The following C1orf232 variants were observed in gnomAD, a reference collection of about 807,000 sequenced individuals.
The protein encoded by C1orf232 is uncharacterized protein C1orf232.
Under a neutral mutation model 12.1 loss-of-function variants are expected in C1orf232, and 10 were observed. The observed-to-expected ratio is 0.82, with a 90% CI of 0.51 to 1.40. The LOEUF (loss-of-function observed/expected upper bound fraction) is 1.40, where lower values mean the gene tolerates loss of function less well. Ranked by LOEUF, C1orf232 falls within the 40% of genes most tolerant of loss-of-function variation. The pLI is 0.00. For missense variants in C1orf232, 88 were observed against 98.4 expected (o/e 0.89, Z 0.45); for synonymous variants, 36 against 39.8 (o/e 0.90, Z 0.36).
rs952386379 is a variant in C1orf232 at position 26,168,542 on chromosome 1, G to T, written c.-43C>A. 2 of 1,213,428 alleles carry T rather than the reference G, an allele frequency of 1.6e-6. No individual in the cohort carries two copies. The highest frequency in any genetic ancestry group is 6.3e-5 in the East Asian group (2 of 31,610). 75.2% of individuals were successfully genotyped at this position (1,213,428 alleles called of 1,614,324 possible). ...GCCTGGCACGCAAGCACAGGAAGGT[G>T]GTGGCTCAGTGGATACCAGTGAGTC... On this transcript the variant is annotated 5_prime_UTR_variant, in exon 1 of 4. Coordinates refer to ENST00000634842, the MANE Select transcript of C1orf232 (RefSeq NM_001364669.2).
rs1384267278 is a variant in C1orf232 at position 26,164,600 on chromosome 1, G to C, written c.267-145C>G. The C allele has an allele frequency of 5.7e-6, 2 of 350,570 alleles. No individual in the cohort carries two copies. Among genetic ancestry groups the C allele is most frequent in the Admixed American group, 4.8e-5 (1 of 21,004 alleles). 21.7% of individuals were successfully genotyped at this position (350,570 alleles called of 1,614,324 possible). A position where few individuals can be genotyped will look rare whatever the true frequency, so the allele number is the denominator to read the frequency against. On this transcript the variant is annotated intron_variant, in intron 3 of 3. Transcript: ENST00000634842. The surrounding 1 kb of genome is among the most constrained non-coding windows in gnomAD (Gnocchi z 4.2). The stretch of plus-strand genomic sequence containing the variant: ...GAGGAGCGGGGTCAGGTGACCAGTG[G>C]GGGACCGGGACGAGGAGGAGGGTCA...
At chr1:26,168,377 C>G in intron 1 of C1orf232, 39 bp downstream of exon 1, 1 of 1,219,994 alleles carries the variant, frequency 8.2e-7, no homozygotes, top group Admixed American at 4.2e-5. Context: ...TGCTGCCCCT[C>G]TGCACATGCT....
chr1:26,165,571 G>A (rs1209831190), intron 3 of C1orf232: 3 of 497,192 alleles, frequency 6.0e-6, no homozygotes, highest in East Asian at 7.1e-5. Flanking sequence ...CCTCCCAAGC[G>A]GATGGGTCGT....
chr1:26,166,249 T>C (rs1317879207), intron 1 of C1orf232, 131 bp from the exon 2 acceptor site: 5 of 499,848 alleles, frequency 1.0e-5, no homozygotes, highest in Non-Finnish European at 1.6e-5. Flanking sequence ...ACCTATACAC[T>C]CCACAGATCC....
At chr1:26,166,509 G>A (rs1030261572) in intron 1 of C1orf232, among the ~76,000 whole-genome samples, 3 of 149,640 alleles carry the variant, frequency 2.0e-5, no homozygotes, top group Admixed American at 6.6e-5. Flanking sequence ...TAGAGATGGG[G>A]TTTTGCCATG....
chr1:26,165,102 A>C (rs2088412164), intron 3 of C1orf232, among the ~76,000 whole-genome samples: 1 of 95,938 alleles, frequency 1.0e-5, no homozygotes. Flanking sequence ...TCCTTGGGGA[A>C]CTGGGGTTGG....
At chr1:26,168,273 C>T in intron 1 of C1orf232, 143 bp downstream of exon 1, 6 of 501,274 alleles carry the variant, frequency 1.2e-5, no homozygotes, top group Non-Finnish European at 1.6e-5. Context: ...GATGCTGCAC[C>T]ATGGTTTTTA....
At chr1:26,168,352 C>G (rs997524473) in intron 1 of C1orf232, 64 bp downstream of exon 1, 53 of 1,156,748 alleles carry the variant, frequency 4.6e-5, no homozygotes, top group Non-Finnish European at 5.4e-5. Flanking sequence ...TGCCCCACTT[C>G]ATACTGCTCA....
chr1:26,167,162 C>T (rs2088435833), intron 1 of C1orf232, among the ~76,000 whole-genome samples: 1 of 152,218 alleles, frequency 6.6e-6, no homozygotes, highest in Non-Finnish European at 1.5e-5. Context: ...GATTGTGTGA[C>T]TGCCACTTAT....
intron 1 of C1orf232, among the ~76,000 whole-genome samples, chr1:26,166,470 C>T (rs958264416): frequency 2.0e-5 from 3 of 152,162 alleles, no homozygotes; most frequent in Non-Finnish European, 4.4e-5. Context: ...AGGCACCCAC[C>T]ACCGCCCTGC....
rs17163610 is a variant in C1orf232, at chr1:26,165,886, G to A, written c.206C>T (p.Ser69Leu). ...TTCATCTTCTTTGTTAAACAGAGAT[G>A]ACATTGTCAGCCAGCCTTTCACCCC... The part of the protein sequence containing the change: ...GVGVKGWLTM[S>L]SLFNKEDEDK... The change falls in exon 3 of 4, where the codon TCA becomes TTA. Residue 69 changes from serine (S) to leucine (L), a missense_variant. By Grantham distance (145) the Ser-to-Leu change is moderately radical. Transcript: ENST00000634842. 4.2e-3 allele frequency: 5,208 copies of A among 1,231,772 alleles called. 115 individuals are homozygous for A. In the African/African-American group the frequency reaches 0.048, roughly 11 times the overall value. 76.3% of individuals were successfully genotyped at this position (1,231,772 alleles called of 1,614,324 possible). A position where few individuals can be genotyped will look rare whatever the true frequency, so the allele number is the denominator to read the frequency against.
At chr1:26,165,606 A>AC in intron 3 of C1orf232, 1 of 764,538 alleles carries the variant, frequency 1.3e-6, no homozygotes, top group Non-Finnish European at 1.8e-6. Flanking sequence ...ACCTTCTAGC[A>AC]CCTCAATCCC....
rs1047404694 is a variant in C1orf232, at chr1:26,164,896, G to A, written c.267-441C>T. Among the ~76,000 whole-genome samples, 10 of 152,098 alleles carry A rather than the reference G, an allele frequency of 6.6e-5. No homozygotes were observed. The highest frequency in any genetic ancestry group is 2.4e-4 in the African/African-American group (10 of 41,414). Reference sequence around the variant, plus strand: ...GGAAGCCCTGGGGAAAAGAGGCGGGGCACAGACAGGAATCAGGTTCTGAGA... The same window carrying A: ...GGAAGCCCTGGGGAAAAGAGGCGGGACACAGACAGGAATCAGGTTCTGAGA... On this transcript the variant is annotated intron_variant, in intron 3 of 3. Transcript: ENST00000634842. This position sits in a 1 kb window ranked among gnomAD's most constrained non-coding sequence, Gnocchi z 4.2.
rs1356553565 is a variant in C1orf232 at position 26,164,947 on chromosome 1, C to A, written c.267-492G>T. 2.0e-5 allele frequency among the ~76,000 whole-genome samples: 3 copies of A among 151,446 alleles called. No homozygotes were observed. The highest frequency in any genetic ancestry group is 4.4e-5 in the Non-Finnish European group (3 of 67,898). On this transcript the variant is annotated intron_variant, in intron 3 of 3. Coordinates refer to ENST00000634842, the MANE Select transcript of C1orf232 (RefSeq NM_001364669.2). The surrounding 1 kb of genome is among the most constrained non-coding windows in gnomAD (Gnocchi z 4.2). ...TTGAGGGAAAGGGGGACTAGGAGCA[C>A]GGGAGAAAGGTGGAGCGACAGGAAG...
chr1:26,167,277 G>A (rs993656470), intron 1 of C1orf232, among the ~76,000 whole-genome samples: 1 of 152,140 alleles, frequency 6.6e-6, no homozygotes, highest in Non-Finnish European at 1.5e-5. Flanking sequence ...GTGGAGCCTC[G>A]ACCTCCCTGG....
At chr1:26,168,098 A>T (rs1569858213) in intron 1 of C1orf232, among the ~76,000 whole-genome samples, 1 of 152,070 alleles carries the variant, frequency 6.6e-6, no homozygotes, top group Admixed American at 6.6e-5. Flanking sequence ...TTCTGCTCCC[A>T]TTAGAAAGTT....
At position 26,164,535 on chromosome 1, in the gene C1orf232, G is replaced by A. The variant is rs944296287; in HGVS notation, c.267-80C>T. The A allele has an allele frequency of 2.8e-6, 1 of 361,954 alleles. No individual in the cohort carries two copies. The highest frequency in any genetic ancestry group is 2.1e-5 in the African/African-American group (1 of 47,198). The allele number at this position is 361,954 out of a possible 1,614,324, so 22.4% of individuals were successfully genotyped here. A position where few individuals can be genotyped will look rare whatever the true frequency, so the allele number is the denominator to read the frequency against. On this transcript the variant is annotated intron_variant, in intron 3 of 3. Coordinates refer to ENST00000634842, the MANE Select transcript of C1orf232 (RefSeq NM_001364669.2). This position sits in a 1 kb window ranked among gnomAD's most constrained non-coding sequence, Gnocchi z 4.2. ...TCGGCTGGGCTGACGGAGGAGTTTA[G>A]TGGGGCCGGGGGAACCTGGGCGGAG...
Position 26,168,688 on chromosome 1 carries a change from G to A in C1orf232, c.-189C>T, listed in dbSNP as rs566601323. 1.5e-5 allele frequency: 6 copies of A among 397,294 alleles called. No homozygotes were observed. The highest frequency in any genetic ancestry group is 2.8e-4 in the South Asian group (2 of 7,034). The allele number at this position is 397,294 out of a possible 1,614,324, so 24.6% of individuals were successfully genotyped here. A position where few individuals can be genotyped will look rare whatever the true frequency, so the allele number is the denominator to read the frequency against. On this transcript the variant is annotated 5_prime_UTR_variant, in exon 1 of 4. An upstream open reading frame in the 5' UTR gains an earlier in-frame stop. Transcript: ENST00000634842. ...GAGGTGAACCTGATCCAAAGGAGTC[G>A]GGGAGTGGGGGATGGAACAAGCTTC...
rs2124493292 is a variant in C1orf232, at chr1:26,164,125, G to T, written c.*36C>A. 2.5e-6 allele frequency: 1 copy of T among 398,152 alleles called. No individual in the cohort carries two copies. The highest frequency in any genetic ancestry group is 1.3e-4 in the South Asian group (1 of 7,822). The allele number at this position is 398,152 out of a possible 1,614,324, so 24.7% of individuals were successfully genotyped here. On this transcript the variant is annotated 3_prime_UTR_variant, in exon 4 of 4. Coordinates refer to ENST00000634842, the MANE Select transcript of C1orf232 (RefSeq NM_001364669.2). This position sits in a 1 kb window ranked among gnomAD's most constrained non-coding sequence, Gnocchi z 4.2. ...CTGTCGGGCCAGGGTTTTTTATCAG[G>T]GGTGGGAGCAGCGGGCGCGGGGTTC...
Sources: allele counts gnomAD v4.1 joint callset (sites outside exome capture counted in the v4.1 genomes callset), GRCh38; gene constraint gnomAD v4.1.1; non-coding constraint Gnocchi (gnomAD v3.1); transcripts MANE v1.5; gene names NCBI Gene and HGNC (gene_info 2026-07-23, HGNC 2026-07-21).